ACTR3C: variants seen among roughly 807,000 people sequenced by gnomAD.
ACTR3C encodes the protein actin-related protein 3C.
ACTR3C carries 18 observed loss-of-function variants against 26.3 expected under a neutral mutation model. The ratio of observed to expected loss-of-function variants is 0.68; its 90% CI spans 0.47 to 1.01. The LOEUF (loss-of-function observed/expected upper bound fraction) is 1.01, where lower values mean the gene tolerates loss of function less well. ACTR3C is among the 50% of genes least tolerant of loss of function. The pLI is 0.00. For synonymous variants in ACTR3C, 55 were observed against 94.5 expected (o/e 0.58, Z 2.42); for missense variants, 184 against 250.7 (o/e 0.73, Z 1.80).
chr7:150,026,601 G>A, the ACTR3C span, among the ~76,000 whole-genome samples: 1,386 of 152,110 alleles, frequency 9.1e-3, 37 homozygotes, highest in African/African-American at 0.032. Flanking sequence ...ACCAAATGAT[G>A]TGAAGAATTA....
chr7:149,929,777 C>T, the ACTR3C span, among the ~76,000 whole-genome samples: 3 of 152,086 alleles, frequency 2.0e-5, no homozygotes, highest in South Asian at 2.1e-4. Flanking sequence ...GTGATCCGCC[C>T]GCCTCAGCCT....
chr7:150,092,675 C>T, the ACTR3C span, among the ~76,000 whole-genome samples: 74 of 150,428 alleles, frequency 4.9e-4, no homozygotes, highest in East Asian at 2.0e-3. Flanking sequence ...TCTGAACATC[C>T]GGGAGGACAC....
the ACTR3C span, among the ~76,000 whole-genome samples, chr7:149,940,629 C>T: frequency 6.6e-6 from 1 of 151,510 alleles, no homozygotes; most frequent in Non-Finnish European, 1.5e-5. Flanking sequence ...ATGAACAGGC[C>T]AGCACTGTTC....
the ACTR3C span, among the ~76,000 whole-genome samples, chr7:149,926,063 A>T: frequency 6.6e-6 from 1 of 152,044 alleles, no homozygotes; most frequent in African/African-American, 2.4e-5. Context: ...ACTCTGTCTC[A>T]AAAAAACAGA....
the ACTR3C span, among the ~76,000 whole-genome samples, chr7:150,042,561 T>TCA: frequency 6.7e-6 from 1 of 148,710 alleles, no homozygotes; most frequent in African/African-American, 2.5e-5. Context: ...GGGTTGGCTC[T>TCA]GAGTCCCCGC....
chr7:150,151,088 G>T, the ACTR3C span, among the ~76,000 whole-genome samples: 2 of 105,684 alleles, frequency 1.9e-5, no homozygotes, highest in African/African-American at 7.0e-5. Context: ...GGCTTTTATT[G>T]CTTTTATTCT....
chr7:150,219,040 A>G, the ACTR3C span, among the ~76,000 whole-genome samples: 1 of 152,188 alleles, frequency 6.6e-6, no homozygotes, highest in Non-Finnish European at 1.5e-5. Context: ...AAAATGCTTG[A>G]TATTACTTAC....
At chr7:150,003,292 T>C in the ACTR3C span, among the ~76,000 whole-genome samples, 2 of 152,292 alleles carry the variant, frequency 1.3e-5, no homozygotes, top group African/African-American at 4.8e-5. Context: ...GTATGTGGGA[T>C]GTGTTGGTAT....
the ACTR3C span, among the ~76,000 whole-genome samples, chr7:150,042,934 G>A: frequency 1.6e-3 from 240 of 150,694 alleles, no homozygotes; most frequent in African/African-American, 5.4e-3. Context: ...TTTAACTAAT[G>A]AAAGACTCGC....
the ACTR3C span, among the ~76,000 whole-genome samples, chr7:149,924,526 T>C: frequency 6.6e-6 from 1 of 152,340 alleles, no homozygotes; most frequent in South Asian, 2.1e-4. Flanking sequence ...TTAACATTGC[T>C]TTGGAGGTAA....
At chr7:150,023,213 A>C in the ACTR3C span, among the ~76,000 whole-genome samples, 1 of 145,348 alleles carries the variant, frequency 6.9e-6, no homozygotes, top group East Asian at 2.0e-4. Flanking sequence ...ATATCTCTAT[A>C]TCTCTATATA....
downstream of ACTR3C, among the ~76,000 whole-genome samples, chr7:150,240,091 G>A (rs1270230294): frequency 6.6e-6 from 1 of 152,176 alleles, no homozygotes; most frequent in African/African-American, 2.4e-5. Flanking sequence ...ATGAGGATGA[G>A]TTTGACTAAG....
chr7:150,266,925 G>A (rs1255314075), intron 6 of ACTR3C, among the ~76,000 whole-genome samples: 1 of 152,230 alleles, frequency 6.6e-6, no homozygotes, highest in Non-Finnish European at 1.5e-5. Context: ...TGGTGGGAGG[G>A]TAGATGCTGT....
chr7:150,314,488 T>C, intron 1 of ACTR3C, among the ~76,000 whole-genome samples: 1 of 152,098 alleles, frequency 6.6e-6, no homozygotes. Flanking sequence ...GTGGGGGCGA[T>C]GGAGCTTTGT....
At chr7:150,128,097 GTGCCTTGAT>G in the ACTR3C span, among the ~76,000 whole-genome samples, 1 of 138,810 alleles carries the variant, frequency 7.2e-6, no homozygotes, top group Non-Finnish European at 1.5e-5. Context: ...TTGCTACCAA[GTGCCTTGAT>G]TGGCAGTTCC....
At chr7:150,307,869 C>T (rs1409429138) in intron 1 of ACTR3C, among the ~76,000 whole-genome samples, 1 of 152,212 alleles carries the variant, frequency 6.6e-6, no homozygotes, top group Non-Finnish European at 1.5e-5. Context: ...TTTTTATTCT[C>T]TTCTCTAACC....
chr7:149,968,924 C>T, the ACTR3C span, among the ~76,000 whole-genome samples: 17 of 152,140 alleles, frequency 1.1e-4, no homozygotes, highest in Middle Eastern at 0.01. Context: ...TCTGTGGAGA[C>T]GTTCTTGGGC....
At chr7:150,101,237 A>G in the ACTR3C span, among the ~76,000 whole-genome samples, 1,012 of 151,818 alleles carry the variant, frequency 6.7e-3, 50 homozygotes, top group African/African-American at 0.023. Flanking sequence ...AAGGTCAAAC[A>G]AAGCCTTGCA....
the ACTR3C span, among the ~76,000 whole-genome samples, chr7:149,924,235 T>C: frequency 6.8e-6 from 1 of 147,768 alleles, no homozygotes; most frequent in African/African-American, 2.5e-5. Flanking sequence ...ATTAGCTGGG[T>C]GTGATGGCGG....
Sources: gnomAD v4.1 joint callset for allele counts (sites outside exome capture counted in the v4.1 genomes callset) on GRCh38, gnomAD v4.1.1 for gene constraint, MANE v1.5 for transcripts, NCBI Gene and HGNC (gene_info 2026-07-23, HGNC 2026-07-21) for gene names.